Variants in RBMS1 observed in about 807,000 individuals in gnomAD.
RBMS1 encodes the protein RNA-binding motif, single-stranded-interacting protein 1.
Under a neutral mutation model 62.3 loss-of-function variants are expected in RBMS1, and 17 were observed. That is an observed-to-expected ratio of 0.27 (90% confidence interval 0.19 to 0.41). RBMS1 has a LOEUF of 0.41. Ranked by LOEUF, RBMS1 falls within the 10% of genes least tolerant of loss-of-function variation. The pLI is 1.00. For missense variants in RBMS1, 334 were observed against 504.5 expected (o/e 0.66, Z 3.24); for synonymous variants, 172 against 170.0 (o/e 1.01, Z -0.09).
intron 2 of RBMS1, among the ~76,000 whole-genome samples, chr2:160,333,128 G>A (rs1691372988): frequency 6.6e-6 from 1 of 152,120 alleles, no homozygotes; most frequent in South Asian, 2.1e-4. Flanking sequence ...GCTGCTGGGT[G>A]ATGATGGAGG....
intron 1 of RBMS1, among the ~76,000 whole-genome samples, chr2:160,456,752 C>T (rs1465316357): frequency 2.0e-5 from 3 of 152,222 alleles, no homozygotes; most frequent in Non-Finnish European, 2.9e-5. Flanking sequence ...AAGTGATCCA[C>T]TCTCCAGCAG....
intron 1 of RBMS1, among the ~76,000 whole-genome samples, chr2:160,459,993 C>T (rs190885130): frequency 1.3e-5 from 2 of 152,272 alleles, no homozygotes; most frequent in East Asian, 3.9e-4. Flanking sequence ...GGGGAAAATT[C>T]TTAATTACAA....
chr2:160,411,728 T>C (rs2105254504), intron 1 of RBMS1, among the ~76,000 whole-genome samples: 1 of 152,310 alleles, frequency 6.6e-6, no homozygotes, highest in African/African-American at 2.4e-5. Flanking sequence ...AAATGGCAGT[T>C]GTTGTTATTT....
chr2:160,408,124 C>A (rs976709612), intron 1 of RBMS1, among the ~76,000 whole-genome samples: 8 of 151,742 alleles, frequency 5.3e-5, no homozygotes, highest in Admixed American at 3.9e-4. Flanking sequence ...GGGTCTGGCT[C>A]CCCGCATGCC....
rs1440148900 is a variant in RBMS1 at position 160,493,569 on chromosome 2, CTCT to C, written c.-209_-207del. The C allele has an allele frequency of 6.0e-4, 355 of 593,222 alleles. 1 individual carries two copies. Among genetic ancestry groups the C allele is most frequent in the Non-Finnish European group, 9.5e-4 (319 of 334,954 alleles). The allele number at this position is 593,222 out of a possible 1,614,324, so 36.7% of individuals were successfully genotyped here. A position where few individuals can be genotyped will look rare whatever the true frequency, so the allele number is the denominator to read the frequency against. ...CCTCCTCCTCCTCCTCCTCCTCCTC[CTCT>C]TCCTCCTCCTCCTCCTCCTCCCAGG... On this transcript the variant is annotated 5_prime_UTR_variant, in exon 1 of 14. Transcript: ENST00000348849.
At chr2:160,312,603 T>C (rs1456860541) in intron 4 of RBMS1, among the ~76,000 whole-genome samples, 2 of 152,152 alleles carry the variant, frequency 1.3e-5, no homozygotes, top group Non-Finnish European at 2.9e-5. Context: ...TAGATTTATA[T>C]ACCATTAATA....
In RBMS1 at chr2:160,323,337, G is replaced by A. The variant is rs575260210; in HGVS notation, c.252-5110C>T. Reference sequence around the variant, plus strand: ...CAAACAATACAAAAATTAGCTGGACGTGGTGGTGCACGCCTGTAGTCCCAG... The same window carrying A: ...CAAACAATACAAAAATTAGCTGGACATGGTGGTGCACGCCTGTAGTCCCAG... On this transcript the variant is annotated intron_variant, in intron 2 of 13. Transcript: ENST00000348849. 1.7e-4 allele frequency among the ~76,000 whole-genome samples: 26 copies of A among 152,002 alleles called. No individual in the cohort carries two copies. The South Asian group carries it at 4.4e-3, about 25-fold the overall frequency.
intron 1 of RBMS1, among the ~76,000 whole-genome samples, chr2:160,460,876 T>C (rs1684432663): frequency 6.6e-6 from 1 of 152,206 alleles, no homozygotes; most frequent in Non-Finnish European, 1.5e-5. Flanking sequence ...TTGTAAGACA[T>C]ACAGCATCCT....
At chr2:160,303,762 T>C (rs531557374) in intron 4 of RBMS1, among the ~76,000 whole-genome samples, 1 of 152,284 alleles carries the variant, frequency 6.6e-6, no homozygotes, top group South Asian at 2.1e-4. Context: ...CAACTCTCAG[T>C]TGTTTGCGGT....
At chr2:160,300,285 G>A (rs1287722084) in intron 6 of RBMS1, among the ~76,000 whole-genome samples, 1 of 152,296 alleles carries the variant, frequency 6.6e-6, no homozygotes, top group African/African-American at 2.4e-5. Context: ...AAAGGCCATA[G>A]GAACTGAGGT....
At chr2:160,390,992 G>A (rs1329519193) in intron 1 of RBMS1, among the ~76,000 whole-genome samples, 3 of 151,818 alleles carry the variant, frequency 2.0e-5, no homozygotes, top group Non-Finnish European at 4.4e-5. Context: ...GAGTCATGAA[G>A]TATTTTGCAT....
intron 1 of RBMS1, among the ~76,000 whole-genome samples, chr2:160,462,330 C>A (rs1048357309): frequency 6.6e-6 from 1 of 152,122 alleles, no homozygotes; most frequent in Non-Finnish European, 1.5e-5. Context: ...TGCCTTTTGC[C>A]CAAGATTTCT....
At chr2:160,371,532 G>C (rs183144502) in intron 1 of RBMS1, among the ~76,000 whole-genome samples, 1 of 152,124 alleles carries the variant, frequency 6.6e-6, no homozygotes, top group Non-Finnish European at 1.5e-5. Context: ...TATCTCCAAG[G>C]GCAAAGAAAA....
intron 6 of RBMS1, among the ~76,000 whole-genome samples, chr2:160,287,836 T>C (rs1688482707): frequency 6.6e-6 from 1 of 151,996 alleles, no homozygotes; most frequent in Non-Finnish European, 1.5e-5. Flanking sequence ...AAGGTTTTTC[T>C]GTGCCTTTAA....
chr2:160,307,688 C>T (rs1689615368), intron 4 of RBMS1, among the ~76,000 whole-genome samples: 1 of 152,166 alleles, frequency 6.6e-6, no homozygotes, highest in Non-Finnish European at 1.5e-5. Flanking sequence ...TTAAACTGTC[C>T]CTTTCTTAAT....
chr2:160,357,080 T>C (rs1156903966), intron 2 of RBMS1, among the ~76,000 whole-genome samples: 1 of 152,150 alleles, frequency 6.6e-6, no homozygotes, highest in Non-Finnish European at 1.5e-5. Flanking sequence ...GAGGCTTTTA[T>C]TCCTGATGAC....
intron 1 of RBMS1, among the ~76,000 whole-genome samples, chr2:160,486,624 C>T (rs1027802193): frequency 6.6e-6 from 1 of 152,148 alleles, no homozygotes; most frequent in Admixed American, 6.5e-5. Context: ...GACAACAGGA[C>T]TCCTGAAGCA....
At chr2:160,440,349 C>A (rs746963353) in intron 1 of RBMS1, among the ~76,000 whole-genome samples, 1 of 152,128 alleles carries the variant, frequency 6.6e-6, no homozygotes, top group African/African-American at 2.4e-5. Flanking sequence ...AATTCTGACA[C>A]CTAAAACGAA....
At chr2:160,455,808 C>G (rs896727204) in intron 1 of RBMS1, among the ~76,000 whole-genome samples, 2 of 151,530 alleles carry the variant, frequency 1.3e-5, no homozygotes, top group African/African-American at 2.4e-5. Flanking sequence ...CTCAGCCTCC[C>G]GAGTAGCTGG....
Sources: gnomAD v4.1 joint callset for allele counts (sites outside exome capture counted in the v4.1 genomes callset) on GRCh38, gnomAD v4.1.1 for gene constraint, MANE v1.5 for transcripts, NCBI Gene and HGNC (gene_info 2026-07-23, HGNC 2026-07-21) for gene names.